CPNE4: variants seen among roughly 807,000 people sequenced by gnomAD.
The protein encoded by CPNE4 is copine-4.
CPNE4 carries 25 observed loss-of-function variants against 67.9 expected under a neutral mutation model. That is an observed-to-expected ratio of 0.37 (90% CI 0.27 to 0.51). The LOEUF (loss-of-function observed/expected upper bound fraction) is 0.51. CPNE4 is among the 20% of genes least tolerant of loss of function. CPNE4 has a pLI of 0.93. For synonymous variants in CPNE4, 242 were observed against 244.9 expected (o/e 0.99, Z 0.11); for missense variants, 464 against 690.8 (o/e 0.67, Z 3.68).
intron 11 of CPNE4, among the ~76,000 whole-genome samples, chr3:131,563,587 T>C (rs748182358): frequency 6.6e-6 from 1 of 152,020 alleles, no homozygotes; most frequent in Non-Finnish European, 1.5e-5. Flanking sequence ...AACATACACA[T>C]GCACCTGGCT....
chr3:131,562,332 A>C (rs1038241942), intron 11 of CPNE4, among the ~76,000 whole-genome samples: 3 of 152,040 alleles, frequency 2.0e-5, no homozygotes, highest in Admixed American at 1.3e-4. Flanking sequence ...TCTGCTGCAG[A>C]ACTATAATGA....
chr3:131,800,918 A>G (rs901062170), intron 2 of CPNE4, among the ~76,000 whole-genome samples: 3 of 152,172 alleles, frequency 2.0e-5, no homozygotes, highest in Non-Finnish European at 4.4e-5. Context: ...ATTGGGAACT[A>G]TTTTAGAGGT....
rs532964456 is a variant in CPNE4, at chr3:131,990,874, G to A, written c.-2+43693C>T. Among the ~76,000 whole-genome samples, 47 of 135,570 alleles carry A rather than the reference G, an allele frequency of 3.5e-4. 11 individuals are homozygous for A. Among genetic ancestry groups the A allele is most frequent in the Non-Finnish European group, 4.2e-4 (25 of 59,684 alleles). 88.9% of individuals were successfully genotyped at this position (135,570 alleles called of 152,430 possible). On this transcript the variant is annotated intron_variant, in intron 1 of 15. Coordinates refer to ENST00000429747, the MANE Select transcript of CPNE4 (RefSeq NM_130808.3). ...CCTGGTGGGAGGTAACTGAATCACG[G>A]GGGAAGTTACTCCCATGCTTTCTTG...
At chr3:132,018,821 T>C (rs533093136) in intron 1 of CPNE4, among the ~76,000 whole-genome samples, 91 of 152,296 alleles carry the variant, frequency 6.0e-4, no homozygotes, top group Non-Finnish European at 1.1e-3. Context: ...ATTGAAAATA[T>C]CACTGAAAGA....
intron 7 of CPNE4, among the ~76,000 whole-genome samples, chr3:131,659,711 G>C (rs80130939): frequency 6.6e-6 from 1 of 152,128 alleles, no homozygotes; most frequent in Non-Finnish European, 1.5e-5. Flanking sequence ...CCTCATAATG[G>C]TTGGGCAAGG....
At chr3:131,678,859 G>C in intron 6 of CPNE4, among the ~76,000 whole-genome samples, 1 of 152,240 alleles carries the variant, frequency 6.6e-6, no homozygotes, top group Middle Eastern at 3.4e-3. Flanking sequence ...TTTTGCATCA[G>C]TGTTCATCAA....
intron 2 of CPNE4, among the ~76,000 whole-genome samples, chr3:131,887,346 T>G (rs1218375053): frequency 6.6e-6 from 1 of 152,204 alleles, no homozygotes; most frequent in Non-Finnish European, 1.5e-5. Flanking sequence ...CGTGGAACTG[T>G]AAGTCCAATT....
chr3:132,001,703 T>C lies in CPNE4; in HGVS notation c.-2+32864A>G, dbSNP rs150363296. On this transcript the variant is annotated intron_variant, in intron 1 of 15. Transcript: ENST00000429747. ...ACAATTCTTACAGATTCTTCATGTCTGCATGAGGTGAATAAAAGATGGCCC... is the reference window on the plus strand; with the variant it reads ...ACAATTCTTACAGATTCTTCATGTCCGCATGAGGTGAATAAAAGATGGCCC... Among the ~76,000 whole-genome samples the C allele has an allele frequency of 1.6e-4, 25 of 152,236 alleles. 1 individual carries two copies. The highest frequency in any genetic ancestry group is 2.8e-4 in the Non-Finnish European group (19 of 67,984).
chr3:131,684,211 T>A (rs1368954386), intron 6 of CPNE4, among the ~76,000 whole-genome samples: 1 of 152,014 alleles, frequency 6.6e-6, no homozygotes, highest in East Asian at 1.9e-4. Flanking sequence ...GGTAGGATAA[T>A]TAGAGGATGA....
At chr3:131,881,971 A>T (rs770894815) in intron 2 of CPNE4, among the ~76,000 whole-genome samples, 1 of 152,214 alleles carries the variant, frequency 6.6e-6, no homozygotes. Flanking sequence ...TACTAAGAAT[A>T]CCAGAGTGCT....
chr3:131,761,181 A>G (rs899851963), intron 2 of CPNE4, among the ~76,000 whole-genome samples: 7 of 150,734 alleles, frequency 4.6e-5, no homozygotes, highest in African/African-American at 1.7e-4. Flanking sequence ...TGATGAAATA[A>G]GAAAAGGCTT....
intron 1 of CPNE4, among the ~76,000 whole-genome samples, chr3:131,970,627 C>A (rs565204386): frequency 6.6e-6 from 1 of 152,304 alleles, no homozygotes; most frequent in Non-Finnish European, 1.5e-5. Context: ...TTATGCTGCA[C>A]TTTCTAGGTC....
Position 131,700,914 on chromosome 3 carries a change from A to G in CPNE4, c.361-934T>C, listed in dbSNP as rs113646799. 8.6e-4 allele frequency among the ~76,000 whole-genome samples: 131 copies of G among 152,188 alleles called. 1 individual carries two copies. The Middle Eastern group carries it at 0.041, about 47-fold the overall frequency. ...ATACACCATGGAATACTATGCAGCC[A>G]TAAAAAAGGATGAGTTCATGTCCTT... is the stretch of plus-strand genomic sequence containing the variant. On this transcript the variant is annotated intron_variant, in intron 3 of 15. Coordinates refer to ENST00000429747, the MANE Select transcript of CPNE4 (RefSeq NM_130808.3).
intron 1 of CPNE4, among the ~76,000 whole-genome samples, chr3:131,994,585 C>T (rs7620244): frequency 0.94 from 142,752 of 152,070 alleles, 67,133 homozygotes; most frequent in African/African-American, 0.98. Context: ...GTTCAGGTAA[C>T]ATAAATTAAT....
intron 2 of CPNE4, among the ~76,000 whole-genome samples, chr3:131,876,572 G>A (rs191578859): frequency 6.3e-4 from 91 of 145,308 alleles, no homozygotes; most frequent in African/African-American, 2.2e-3. Context: ...AACCCGGGAG[G>A]CGGAGCTTGC....
chr3:131,926,523 CA>C (rs2070900127), intron 1 of CPNE4, among the ~76,000 whole-genome samples: 2 of 152,108 alleles, frequency 1.3e-5, no homozygotes, highest in South Asian at 4.2e-4. Context: ...GTCAGTAAAA[CA>C]AGAAAAGTTT....
intron 8 of CPNE4, among the ~76,000 whole-genome samples, chr3:131,583,673 C>T (rs932127204): frequency 6.6e-5 from 10 of 152,278 alleles, no homozygotes; most frequent in African/African-American, 2.4e-4. Context: ...TTGAATCAAA[C>T]CCGTAGATAC....
chr3:131,643,183 T>C (rs2079579964), intron 7 of CPNE4, among the ~76,000 whole-genome samples: 2 of 152,242 alleles, frequency 1.3e-5, no homozygotes, highest in Non-Finnish European at 1.5e-5. Flanking sequence ...ATTTCTGCTA[T>C]GCTTTAGCGA....
At chr3:131,823,520 G>A (rs2107975002) in intron 2 of CPNE4, among the ~76,000 whole-genome samples, 1 of 152,302 alleles carries the variant, frequency 6.6e-6, no homozygotes, top group Admixed American at 6.5e-5. Context: ...AATATAGACA[G>A]GGTCAGAACT....
Sources: allele counts gnomAD v4.1 joint callset (sites outside exome capture counted in the v4.1 genomes callset), GRCh38; gene constraint gnomAD v4.1.1; transcripts MANE v1.5; gene names NCBI Gene and HGNC (gene_info 2026-07-23, HGNC 2026-07-21).